Variants in STX17 observed in about 807,000 individuals in gnomAD.
STX17 encodes syntaxin-17.
Under a neutral mutation model 35.9 loss-of-function variants are expected in STX17, and 29 were observed. That is an observed-to-expected ratio of 0.81 (90% CI 0.60 to 1.10). STX17 has a LOEUF of 1.10. Ranked by LOEUF, STX17 falls within the 50% of genes least tolerant of loss-of-function variation. STX17 has a pLI of 0.00. For missense variants in STX17, 312 were observed against 352.3 expected (o/e 0.89, Z 0.92); for synonymous variants, 92 against 118.3 (o/e 0.78, Z 1.44).
At chr9:99,917,632 C>T (rs1201917590) in intron 2 of STX17, among the ~76,000 whole-genome samples, 1 of 152,164 alleles carries the variant, frequency 6.6e-6, no homozygotes, top group Admixed American at 6.5e-5. Context: ...TTTTATTATA[C>T]ATGATAAACT....
chr9:99,956,418 A>G (rs10739793), intron 4 of STX17, among the ~76,000 whole-genome samples: 61,202 of 151,900 alleles, frequency 0.4, 13,098 homozygotes, highest in East Asian at 0.7. Flanking sequence ...GTTCTCCTTT[A>G]TATTTGATCT....
chr9:99,919,070 T>G (rs4743370), intron 2 of STX17, among the ~76,000 whole-genome samples: 104,695 of 151,952 alleles, frequency 0.69, 36,343 homozygotes, highest in African/African-American at 0.72. Flanking sequence ...TGGTATCCAG[T>G]GTCCTTAGCT....
At chr9:99,916,701 T>A (rs1360004209) in intron 2 of STX17, among the ~76,000 whole-genome samples, 1 of 152,140 alleles carries the variant, frequency 6.6e-6, no homozygotes, top group East Asian at 1.9e-4. Context: ...AGGATTAGTA[T>A]TTTGTCATCC....
intron 2 of STX17, among the ~76,000 whole-genome samples, chr9:99,921,266 C>T (rs1334044581): frequency 6.6e-6 from 1 of 152,124 alleles, no homozygotes; most frequent in South Asian, 2.1e-4. Context: ...AGAAGCCACT[C>T]TATACTGACA....
rs190760461 is a variant in STX17, at chr9:99,927,578, C to T, written c.124-1200C>T. 5.2e-3 allele frequency among the ~76,000 whole-genome samples: 791 copies of T among 152,214 alleles called. 7 individuals are homozygous for T. The highest frequency in any genetic ancestry group is 0.017 in the African/African-American group (722 of 41,550). On this transcript the variant is annotated intron_variant, in intron 2 of 7. Coordinates refer to ENST00000259400, the MANE Select transcript of STX17 (RefSeq NM_017919.3). ...GCAACCTCCACCTCCCAGGTTCAAG[C>T]GATCTCCTGCCTCTGCCTCACAAGT...
At position 99,960,020 on chromosome 9, in the gene STX17, A is replaced by T; in HGVS notation, c.519A>T (p.Glu173Asp). Residue 173 changes from glutamate (E) to aspartate (D), a missense_variant, in exon 5 of 8, where the codon GAA becomes GAT. Physicochemically the swap from Glu to Asp is conservative, Grantham distance 45 (BLOSUM62 2). Transcript: ENST00000259400. Reference sequence around the variant, plus strand: ...ATCAAAATGCTGCAGAATCGTGGGAAACCTTAGAAGCGGTATGTTAAAAAA... The same window carrying T: ...ATCAAAATGCTGCAGAATCGTGGGATACCTTAGAAGCGGTATGTTAAAAAA... ...PQDQNAAESW[E>D]TLEADLIELS... 6.2e-7 allele frequency: 1 copy of T among 1,614,066 alleles called. No homozygotes were observed. The highest frequency in any genetic ancestry group is 8.5e-7 in the Non-Finnish European group (1 of 1,179,984).
At chr9:99,912,515 T>C (rs904024722) in intron 1 of STX17, among the ~76,000 whole-genome samples, 1 of 152,228 alleles carries the variant, frequency 6.6e-6, no homozygotes, top group African/African-American at 2.4e-5. Context: ...TTCTAGATAT[T>C]AGTCCCTTGT....
rs1158219594 is a variant in STX17, at chr9:99,972,639, A to T, written c.*3966A>T. Among the ~76,000 whole-genome samples, 1 of 152,218 alleles carries T rather than the reference A, an allele frequency of 6.6e-6. No individual in the cohort carries two copies. Among genetic ancestry groups the T allele is most frequent in the Non-Finnish European group, 1.5e-5 (1 of 68,044 alleles). ...CTAAGATTTTTGTACAGGAGTAAGA[A>T]TCAAATACTGGTAACATCAATCACA... On this transcript the variant is annotated 3_prime_UTR_variant, in exon 8 of 8. Transcript: ENST00000259400.
chr9:99,939,018 T>A (rs1324916479), intron 3 of STX17, among the ~76,000 whole-genome samples: 1 of 152,066 alleles, frequency 6.6e-6, no homozygotes, highest in Non-Finnish European at 1.5e-5. Context: ...AGCACACAGA[T>A]GCACAAAAAT....
intron 4 of STX17, among the ~76,000 whole-genome samples, chr9:99,958,242 G>C (rs1041054830): frequency 6.6e-6 from 1 of 152,094 alleles, no homozygotes; most frequent in African/African-American, 2.4e-5. Context: ...CAGTTCACCT[G>C]TGTAGTAATT....
At chr9:99,939,659 C>T (rs545609176) in intron 3 of STX17, among the ~76,000 whole-genome samples, 1 of 152,098 alleles carries the variant, frequency 6.6e-6, no homozygotes. Flanking sequence ...ATCTGTTCTT[C>T]CTATTTAGTG....
chr9:99,965,337 T>A (rs1310388243), intron 6 of STX17, among the ~76,000 whole-genome samples: 1 of 152,222 alleles, frequency 6.6e-6, no homozygotes, highest in Non-Finnish European at 1.5e-5. Flanking sequence ...TTAGAAAGTA[T>A]TTCCCTGAGG....
intron 4 of STX17, 142 bp from the exon 5 acceptor site, chr9:99,959,775 T>C: frequency 2.9e-6 from 2 of 695,470 alleles, no homozygotes; most frequent in Non-Finnish European, 4.9e-6. Context: ...AATTCTATTT[T>C]TGTAGAATAA....
intron 2 of STX17, among the ~76,000 whole-genome samples, chr9:99,923,877 G>A (rs1828937473): frequency 6.6e-6 from 1 of 152,184 alleles, no homozygotes; most frequent in Admixed American, 6.5e-5. Flanking sequence ...GATGCATAAG[G>A]TGAGGTATGA....
chr9:99,964,395 G>A (rs1385117110), intron 6 of STX17, among the ~76,000 whole-genome samples: 1 of 152,078 alleles, frequency 6.6e-6, no homozygotes, highest in Non-Finnish European at 1.5e-5. Flanking sequence ...CATATTCTTA[G>A]AGTCATTTGA....
At chr9:99,929,239 T>G (rs547869635) in intron 3 of STX17, 305 of 155,636 alleles carry the variant, frequency 2.0e-3, no homozygotes, top group Non-Finnish European at 3.1e-3. Context: ...TTTTTTTTTT[T>G]TTGTTAATTG....
At chr9:99,920,725 T>C (rs1440544576) in intron 2 of STX17, among the ~76,000 whole-genome samples, 1 of 152,186 alleles carries the variant, frequency 6.6e-6, no homozygotes, top group African/African-American at 2.4e-5. Context: ...CTTAACTAAA[T>C]TTGTAAGGAG....
chr9:99,938,360 A>G (rs1057472173), intron 3 of STX17, among the ~76,000 whole-genome samples: 5 of 152,162 alleles, frequency 3.3e-5, no homozygotes, highest in East Asian at 1.9e-4. Context: ...ATACTTAACA[A>G]TTTTCTTTTC....
intron 3 of STX17, among the ~76,000 whole-genome samples, chr9:99,950,825 A>G (rs1356736206): frequency 6.6e-6 from 1 of 151,938 alleles, no homozygotes; most frequent in East Asian, 1.9e-4. Flanking sequence ...ATTTTTGTAT[A>G]ACCACATTTA....
Sources: gnomAD v4.1 joint callset for allele counts (sites outside exome capture counted in the v4.1 genomes callset) on GRCh38, gnomAD v4.1.1 for gene constraint, MANE v1.5 for transcripts, NCBI Gene and HGNC (gene_info 2026-07-23, HGNC 2026-07-21) for gene names.